The following IGSF11 variants were observed in gnomAD, a reference collection of about 807,000 sequenced individuals.
The protein encoded by IGSF11 is CXADR like 1.
IGSF11 carries 22 observed loss-of-function variants against 41.0 expected under a neutral mutation model. That is an observed-to-expected ratio of 0.54 (90% CI 0.38 to 0.77). The LOEUF (loss-of-function observed/expected upper bound fraction) is 0.77. IGSF11 is among the 30% of genes least tolerant of loss of function. The pLI is 0.00. For synonymous variants in IGSF11, 219 were observed against 201.3 expected (o/e 1.09, Z -0.74); for missense variants, 444 against 530.8 (o/e 0.84, Z 1.61).
At chr3:118,958,988 C>T (rs771630780) in intron 1 of IGSF11, among the ~76,000 whole-genome samples, 25 of 152,158 alleles carry the variant, frequency 1.6e-4, no homozygotes, top group Non-Finnish European at 3.2e-4. Context: ...TTCCTTCTGG[C>T]AGAAATTCTA....
At chr3:118,986,077 T>C (rs1356288551) in intron 1 of IGSF11, among the ~76,000 whole-genome samples, 3 of 152,218 alleles carry the variant, frequency 2.0e-5, no homozygotes, top group Middle Eastern at 3.2e-3. Context: ...GTTACACTTG[T>C]TAGGCAACTT....
intron 1 of IGSF11, among the ~76,000 whole-genome samples, chr3:118,970,869 CTTAAG>C (rs1162574206): frequency 1.3e-5 from 2 of 151,536 alleles, no homozygotes; most frequent in Non-Finnish European, 2.9e-5. Flanking sequence ...GAAATAGGTA[CTTAAG>C]TTAATTATTT....
chr3:118,922,821 G>T (rs1373671928), intron 4 of IGSF11, among the ~76,000 whole-genome samples: 4 of 152,110 alleles, frequency 2.6e-5, no homozygotes, highest in African/African-American at 9.7e-5. Context: ...AGATGATGAT[G>T]TCTTCTTGCT....
intron 1 of IGSF11, among the ~76,000 whole-genome samples, chr3:119,142,422 G>A (rs143164355): frequency 6.6e-6 from 1 of 151,994 alleles, no homozygotes; most frequent in African/African-American, 2.4e-5. Context: ...AAACAACAAA[G>A]TATGGCTAGG....
intron 4 of IGSF11, among the ~76,000 whole-genome samples, chr3:118,922,938 C>A (rs1004172558): frequency 6.6e-6 from 1 of 152,120 alleles, no homozygotes; most frequent in African/African-American, 2.4e-5. Flanking sequence ...GGGAATGCAA[C>A]ATCCTGAGTT....
intron 1 of IGSF11, among the ~76,000 whole-genome samples, chr3:119,048,807 G>C (rs1220518588): frequency 2.0e-5 from 3 of 152,012 alleles, no homozygotes; most frequent in East Asian, 1.9e-4. Context: ...CCATGATCAA[G>C]TGGGCTTCAT....
At chr3:119,017,221 A>G (rs1007303721) in intron 1 of IGSF11, among the ~76,000 whole-genome samples, 1 of 152,186 alleles carries the variant, frequency 6.6e-6, no homozygotes, top group African/African-American at 2.4e-5. Flanking sequence ...GAAATGTATC[A>G]TTGGTGATTT....
At chr3:119,067,283 A>G (rs1043132469) in intron 1 of IGSF11, among the ~76,000 whole-genome samples, 11 of 152,160 alleles carry the variant, frequency 7.2e-5, no homozygotes, top group African/African-American at 2.7e-4. Context: ...ATAAAAGTCA[A>G]GTCTACCTCT....
At chr3:119,051,611 A>G (rs1035400201) in intron 1 of IGSF11, among the ~76,000 whole-genome samples, 2 of 152,202 alleles carry the variant, frequency 1.3e-5, no homozygotes, top group Non-Finnish European at 2.9e-5. Flanking sequence ...ATTAAACTAT[A>G]CACTAGAACA....
At chr3:119,144,235 T>A (rs1041169028) in intron 1 of IGSF11, among the ~76,000 whole-genome samples, 43 of 152,124 alleles carry the variant, frequency 2.8e-4, no homozygotes, top group African/African-American at 1.0e-3. Flanking sequence ...GTTTCTCACT[T>A]TGAATAATGA....
intron 1 of IGSF11, among the ~76,000 whole-genome samples, chr3:119,052,914 A>T (rs1941683164): frequency 6.6e-6 from 1 of 152,102 alleles, no homozygotes; most frequent in African/African-American, 2.4e-5. Context: ...ATCTCAACAG[A>T]CTCTGAAAAA....
intron 1 of IGSF11, among the ~76,000 whole-genome samples, chr3:119,045,319 T>C (rs1412594163): frequency 1.3e-5 from 2 of 152,078 alleles, no homozygotes; most frequent in Non-Finnish European, 2.9e-5. Context: ...GGGCGAGGCA[T>C]TGCCTCACTT....
chr3:119,127,495 G>A (rs1199669910), intron 1 of IGSF11, among the ~76,000 whole-genome samples: 3 of 152,026 alleles, frequency 2.0e-5, no homozygotes, highest in African/African-American at 7.2e-5. Flanking sequence ...GATCTCCTGG[G>A]AAGATCCAGG....
chr3:118,967,616 A>C (rs1945772339), intron 1 of IGSF11, among the ~76,000 whole-genome samples: 1 of 152,172 alleles, frequency 6.6e-6, no homozygotes, highest in African/African-American at 2.4e-5. Context: ...AATTCAACTT[A>C]GAAATTCAGT....
chr3:119,065,092 G>C (rs1942181002), intron 1 of IGSF11, among the ~76,000 whole-genome samples: 1 of 152,150 alleles, frequency 6.6e-6, no homozygotes, highest in Non-Finnish European at 1.5e-5. Flanking sequence ...CAATTTCAGA[G>C]AGAAAGTTTT....
chr3:119,054,409 A>G (rs768302166), intron 1 of IGSF11, among the ~76,000 whole-genome samples: 11 of 152,226 alleles, frequency 7.2e-5, no homozygotes, highest in Non-Finnish European at 1.3e-4. Flanking sequence ...AGATAAACAA[A>G]TGGTCACCAA....
At chr3:118,934,368 C>T (rs1472988685) in intron 1 of IGSF11, among the ~76,000 whole-genome samples, 1 of 152,106 alleles carries the variant, frequency 6.6e-6, no homozygotes, top group Admixed American at 6.5e-5. Flanking sequence ...ATATAATTCA[C>T]TTCTGGTTTT....
chr3:119,080,150 A>G (rs1559855738), intron 1 of IGSF11, among the ~76,000 whole-genome samples: 1 of 152,218 alleles, frequency 6.6e-6, no homozygotes, highest in Non-Finnish European at 1.5e-5. Context: ...TTCTTAAATC[A>G]TATTTATAAT....
intron 3 of IGSF11, among the ~76,000 whole-genome samples, chr3:118,926,957 G>A (rs1019820180): frequency 1.3e-5 from 2 of 152,214 alleles, no homozygotes; most frequent in African/African-American, 4.8e-5. Flanking sequence ...GGGGAATACA[G>A]ATGGTAGAGT....
Sources: gnomAD v4.1 joint callset for allele counts (sites outside exome capture counted in the v4.1 genomes callset) on GRCh38, gnomAD v4.1.1 for gene constraint, MANE v1.5 for transcripts, NCBI Gene and HGNC (gene_info 2026-07-23, HGNC 2026-07-21) for gene names.